The following CALCR variants were observed in gnomAD, a reference collection of about 807,000 sequenced individuals.
The protein encoded by CALCR is calcitonin receptor.
In CALCR, 47 loss-of-function variants were observed where a neutral mutation model predicts 59.5. The ratio of observed to expected loss-of-function variants is 0.79; its 90% confidence interval spans 0.63 to 1.01. The LOEUF is 1.01. Among genes scored for constraint, CALCR ranks in the 50% least tolerant of loss-of-function variants. The pLI is 0.00. For missense variants in CALCR, 566 were observed against 597.1 expected, an observed-to-expected ratio of 0.95 and a Z score of 0.54; for synonymous variants, 213 against 211.3, an observed-to-expected ratio of 1.01 and a Z score of -0.07.
chr7:93,528,367 C>T (rs967813301), intron 2 of CALCR, among the ~76,000 whole-genome samples: 9 of 152,222 alleles, frequency 5.9e-5, no homozygotes, highest in East Asian at 1.9e-4. Flanking sequence ...CGTGATGGTG[C>T]GCTGCACCCA....
At chr7:93,436,294 T>A in intron 11 of CALCR, 124 bp from the exon 12 acceptor site, 1 of 747,182 alleles carries the variant, frequency 1.3e-6, no homozygotes, top group Non-Finnish European at 2.2e-6. Context: ...CATGAGAGTC[T>A]ACCTGAGAGG....
intron 8 of CALCR, among the ~76,000 whole-genome samples, chr7:93,448,537 T>C (rs1800048472): frequency 6.6e-6 from 1 of 151,944 alleles, no homozygotes; most frequent in African/African-American, 2.4e-5. Flanking sequence ...ATGCTTGCAA[T>C]CAAAGAAGTT....
At chr7:93,433,212 A>G (rs1799695858) in intron 13 of CALCR, among the ~76,000 whole-genome samples, 1 of 152,258 alleles carries the variant, frequency 6.6e-6, no homozygotes, top group Non-Finnish European at 1.5e-5. Context: ...GTAAAAAGAT[A>G]GAGAATAAAT....
At chr7:93,468,546 A>G (rs1337966977) in intron 7 of CALCR, among the ~76,000 whole-genome samples, 169 bp downstream of exon 7, 2 of 151,836 alleles carry the variant, frequency 1.3e-5, no homozygotes, top group Non-Finnish European at 2.9e-5. Flanking sequence ...ATAGGATTAA[A>G]AGCATATTTA....
chr7:93,455,630 A>C (rs972344801), intron 8 of CALCR, among the ~76,000 whole-genome samples: 2 of 152,070 alleles, frequency 1.3e-5, no homozygotes, highest in Admixed American at 1.3e-4. Flanking sequence ...CTGTATCCTT[A>C]GAAGTGAAGA....
chr7:93,539,194 T>C (rs1044958559), intron 2 of CALCR, among the ~76,000 whole-genome samples: 1 of 152,136 alleles, frequency 6.6e-6, no homozygotes, highest in Non-Finnish European at 1.5e-5. Context: ...GAAATCCCAA[T>C]CACTTAAATC....
rs750882141 is a variant in CALCR, at chr7:93,479,391, A to G, written c.168T>C (p.Tyr56=). The G allele has an allele frequency of 4.3e-6, 7 of 1,611,796 alleles. No homozygotes were observed. The highest frequency in any genetic ancestry group is 5.9e-6 in the Non-Finnish European group (7 of 1,178,720). ...KKMMDAQYKC[Y]DRMQQLPAYQ... ...ATGCGGGTAACTGCTGCATTCGGTC[A>G]TAGCATTTGTACTGTGCATCCATCA... The change falls in exon 4 of 14, where the codon TAT becomes TAC. Residue 56 remains tyrosine (Y), a synonymous_variant. Transcript: ENST00000426151.
intron 2 of CALCR, among the ~76,000 whole-genome samples, chr7:93,539,280 T>A (rs778162207): frequency 2.6e-5 from 4 of 152,158 alleles, no homozygotes; most frequent in Non-Finnish European, 5.9e-5. Flanking sequence ...ACTATATCAC[T>A]TGTTTGGCAA....
intron 4 of CALCR, among the ~76,000 whole-genome samples, chr7:93,478,636 AAT>A (rs10543619): frequency 0.38 from 55,849 of 146,816 alleles, 11,700 homozygotes; most frequent in Non-Finnish European, 0.48. Context: ...CCCTGTCTTA[AAT>A]ATATATATAT....
chr7:93,461,355 CAG>C (rs1239828765), intron 7 of CALCR, among the ~76,000 whole-genome samples: 1 of 152,158 alleles, frequency 6.6e-6, no homozygotes, highest in Non-Finnish European at 1.5e-5. Flanking sequence ...AGTGAGGTCA[CAG>C]AGCGTGAAGT....
At chr7:93,479,126 G>A (rs982305884) in intron 4 of CALCR, among the ~76,000 whole-genome samples, 3 of 151,702 alleles carry the variant, frequency 2.0e-5, no homozygotes, top group African/African-American at 4.8e-5. Flanking sequence ...GAATTATTGC[G>A]GTAATTTTAT....
intron 3 of CALCR, among the ~76,000 whole-genome samples, chr7:93,482,175 T>C (rs1343116357): frequency 6.6e-6 from 1 of 151,894 alleles, no homozygotes; most frequent in African/African-American, 2.4e-5. Flanking sequence ...AGGTTTCTTT[T>C]TTTAGTTTAT....
intron 2 of CALCR, among the ~76,000 whole-genome samples, chr7:93,492,103 G>A (rs1175973295): frequency 4.6e-5 from 7 of 151,488 alleles, no homozygotes; most frequent in Admixed American, 6.6e-5. Context: ...CCCTGCAAAG[G>A]ATGAAGCTGA....
intron 11 of CALCR, among the ~76,000 whole-genome samples, chr7:93,436,942 G>A (rs1240894305): frequency 6.6e-6 from 1 of 152,100 alleles, no homozygotes; most frequent in Non-Finnish European, 1.5e-5. Flanking sequence ...TAAATCAAGT[G>A]CCCATATTTG....
chr7:93,478,891 T>C (rs1800730445), intron 4 of CALCR, among the ~76,000 whole-genome samples: 1 of 151,794 alleles, frequency 6.6e-6, no homozygotes, highest in Admixed American at 6.6e-5. Flanking sequence ...TTTGTAATTC[T>C]CCTGGAAAGT....
At chr7:93,430,140 T>C (rs1799628417) in intron 13 of CALCR, among the ~76,000 whole-genome samples, 1 of 152,040 alleles carries the variant, frequency 6.6e-6, no homozygotes, top group African/African-American at 2.4e-5. Context: ...CTTCACTGTG[T>C]TAGCCAGGAT....
At chr7:93,530,080 T>A (rs180985065) in intron 2 of CALCR, among the ~76,000 whole-genome samples, 2 of 152,286 alleles carry the variant, frequency 1.3e-5, no homozygotes, top group Non-Finnish European at 2.9e-5. Flanking sequence ...CTATTATTTT[T>A]AAAAATCAAG....
chr7:93,459,991 C>T (rs554475243), intron 8 of CALCR, among the ~76,000 whole-genome samples: 3 of 152,182 alleles, frequency 2.0e-5, no homozygotes, highest in East Asian at 3.9e-4. Context: ...CATTATAAAC[C>T]TTTTCCAAAG....
chr7:93,528,995 A>G (rs539208148), intron 2 of CALCR, among the ~76,000 whole-genome samples: 2 of 152,338 alleles, frequency 1.3e-5, no homozygotes, highest in African/African-American at 4.8e-5. Flanking sequence ...ATATGATTAC[A>G]CGAAAATGAG....
Sources: gnomAD v4.1 joint callset for allele counts (sites outside exome capture counted in the v4.1 genomes callset) on GRCh38, gnomAD v4.1.1 for gene constraint, MANE v1.5 for transcripts, NCBI Gene and HGNC (gene_info 2026-07-23, HGNC 2026-07-21) for gene names.